Variants in ANKH observed in about 807,000 individuals in gnomAD.
ANKH encodes mineralization regulator ANKH.
A neutral mutation model predicts 49.0 loss-of-function variants in ANKH; 15 were observed. The observed-to-expected ratio is 0.31, with a 90% confidence interval of 0.20 to 0.47. The LOEUF (loss-of-function observed/expected upper bound fraction) is 0.47, where lower values mean the gene tolerates loss of function less well. Ranked by LOEUF, ANKH falls within the 20% of genes least tolerant of loss-of-function variation. ANKH has a pLI of 1.00. For synonymous variants in ANKH, 273 were observed against 260.0 expected, an observed-to-expected ratio of 1.05 and a Z score of -0.48; for missense variants, 429 against 652.0, an observed-to-expected ratio of 0.66 and a Z score of 3.72.
chr5:14,827,870 A>G (rs573773837), intron 1 of ANKH, among the ~76,000 whole-genome samples: 1 of 152,302 alleles, frequency 6.6e-6, no homozygotes, highest in South Asian at 2.1e-4. Flanking sequence ...GGACAATGCC[A>G]TAATCTGAAA....
intron 2 of ANKH, among the ~76,000 whole-genome samples, chr5:14,765,110 G>A (rs1332291897): frequency 5.3e-5 from 8 of 152,190 alleles, no homozygotes; most frequent in Non-Finnish European, 5.9e-5. Flanking sequence ...GGCAAACCCC[G>A]GGCTCTGTAC....
chr5:14,871,364 G>A lies in ANKH; in HGVS notation c.84C>T (p.Asp28=). Residue 28 remains aspartate, a synonymous_variant, in exon 1 of 12, where the codon GAC becomes GAT. Coordinates refer to ENST00000284268, the MANE Select transcript of ANKH (RefSeq NM_054027.6). The stretch of plus-strand genomic sequence containing the variant: ...GGCCGGGGCTTACCTGCTCCCCGAA[G>A]TCGATGGCTATGTTGGTGATGCCCA... ...VPLGITNIAI[D]FGEQALNRGI... 1.9e-6 allele frequency: 3 copies of A among 1,613,360 alleles called. No homozygotes were observed. The highest frequency in any genetic ancestry group is 1.7e-4 in the Middle Eastern group (1 of 6,060).
intron 8 of ANKH, among the ~76,000 whole-genome samples, chr5:14,738,145 A>G (rs989256220): frequency 2.6e-5 from 4 of 152,246 alleles, no homozygotes; most frequent in African/African-American, 9.6e-5. Flanking sequence ...CAACTTCTGG[A>G]GTAGGACAGA....
Position 14,748,726 on chromosome 5 carries a change from C to T in ANKH, c.822+446G>A, listed in dbSNP as rs539801397. Among the ~76,000 whole-genome samples, 21 of 152,342 alleles carry T rather than the reference C, an allele frequency of 1.4e-4. No homozygotes were observed. In the South Asian group the frequency reaches 1.7e-3, roughly 12 times the overall value. ...GCAGGCCGGGTCAACACGGAGGCAG[C>T]GCCCCTGCAGCCACTGGGTGTGTCC... On this transcript the variant is annotated intron_variant, in intron 6 of 11. Transcript: ENST00000284268.
chr5:14,839,503 T>C (rs1006784274), intron 1 of ANKH, among the ~76,000 whole-genome samples: 9 of 126,964 alleles, frequency 7.1e-5, no homozygotes, highest in African/African-American at 2.0e-4. Context: ...CAAAGTCTTA[T>C]CAGTTAAAAA....
intron 1 of ANKH, among the ~76,000 whole-genome samples, chr5:14,855,362 T>C (rs932842092): frequency 2.0e-5 from 3 of 152,238 alleles, no homozygotes; most frequent in Non-Finnish European, 4.4e-5. Context: ...TTCGTCCTTT[T>C]GCTGACTCCA....
At chr5:14,843,175 CTTTTTTT>C (rs34837612) in intron 1 of ANKH, among the ~76,000 whole-genome samples, 1 of 132,258 alleles carries the variant, frequency 7.6e-6, no homozygotes, top group Non-Finnish European at 1.6e-5. Flanking sequence ...CCAGGGTTCT[CTTTTTTT>C]TTTTTTTTTT....
chr5:14,841,275 GACATA>G (rs1286361648), intron 1 of ANKH, among the ~76,000 whole-genome samples: 3 of 151,576 alleles, frequency 2.0e-5, no homozygotes, highest in African/African-American at 7.3e-5. Flanking sequence ...TGATAAAATA[GACATA>G]ACATAAAATA....
rs1737801595 is a variant in ANKH at position 14,725,671 on chromosome 5, A to G, written c.1012-8836T>C. ...AGGGGAGTCCTCTGGAGGTGGTGAG[A>G]TTAGGACTGATTGAATTTTCCTCTT... On this transcript the variant is annotated intron_variant, in intron 8 of 11. Coordinates refer to ENST00000284268, the MANE Select transcript of ANKH (RefSeq NM_054027.6). This position sits in a 1 kb window ranked among gnomAD's most constrained non-coding sequence, Gnocchi z 4.0. Among the ~76,000 whole-genome samples, 2 of 152,216 alleles carry G rather than the reference A, an allele frequency of 1.3e-5. No homozygotes were observed. The highest frequency in any genetic ancestry group is 2.9e-5 in the Non-Finnish European group (2 of 68,048).
chr5:14,818,580 T>C (rs1415700072), intron 1 of ANKH, among the ~76,000 whole-genome samples: 7 of 136,324 alleles, frequency 5.1e-5, no homozygotes, highest in Non-Finnish European at 9.1e-5. Context: ...GAGGTGGAGG[T>C]TGCAAGTGAG....
chr5:14,820,079 T>C (rs1171567154), intron 1 of ANKH, among the ~76,000 whole-genome samples: 1 of 152,242 alleles, frequency 6.6e-6, no homozygotes, highest in Non-Finnish European at 1.5e-5. Context: ...GAGAAACCAG[T>C]ATTTTATAAG....
intron 1 of ANKH, chr5:14,797,602 G>A: frequency 6.2e-7 from 1 of 1,608,774 alleles, no homozygotes; most frequent in Non-Finnish European, 8.5e-7. Context: ...TCAACTGAGT[G>A]GCTTGGTTTG....
Position 14,745,934 on chromosome 5 carries a change from G to GTAC in ANKH, c.850_851insGTA (p.Pro284delinsArgThr), listed in dbSNP as rs1483542747. 1 of 1,614,206 alleles carries GTAC rather than the reference G, an allele frequency of 6.2e-7. No individual in the cohort carries two copies. Among genetic ancestry groups the GTAC allele is most frequent in the Admixed American group, 1.7e-5 (1 of 60,036 alleles). On this transcript the variant is annotated protein_altering_variant, in exon 7 of 12. Transcript: ENST00000284268. This position sits in a 1 kb window ranked among gnomAD's most constrained non-coding sequence, Gnocchi z 4.7. ...CCAGCCGTATGGCATGTGACCCACAGGGTATGTGGCTGTCAAAATCGCCAC... is the reference window on the plus strand; with the variant it reads ...CCAGCCGTATGGCATGTGACCCACAGTACGGTATGTGGCTGTCAAAATCGCCAC...
chr5:14,714,983 T>C (rs963350682), intron 9 of ANKH, among the ~76,000 whole-genome samples: 2 of 152,260 alleles, frequency 1.3e-5, no homozygotes, highest in Non-Finnish European at 2.9e-5. Context: ...TCGCCCTGTG[T>C]CTACCCAACA....
intron 8 of ANKH, among the ~76,000 whole-genome samples, chr5:14,738,893 G>A (rs16903679): frequency 0.018 from 2,796 of 152,250 alleles, 99 homozygotes; most frequent in African/African-American, 0.065. Context: ...CTTACTGACC[G>A]GTGTCTCATA....
chr5:14,797,758 T>C, intron 1 of ANKH: 1 of 1,610,958 alleles, frequency 6.2e-7, no homozygotes, highest in Non-Finnish European at 8.5e-7. Flanking sequence ...TCTACCACTT[T>C]TCCCTCCTTT....
chr5:14,749,020 G>C (rs1009844265), intron 6 of ANKH, 152 bp downstream of exon 6: 2 of 1,127,916 alleles, frequency 1.8e-6, no homozygotes, highest in African/African-American at 3.1e-5. Flanking sequence ...ATAAGTCACC[G>C]AACGAGATCT....
At chr5:14,854,320 A>G (rs1245008946) in intron 1 of ANKH, among the ~76,000 whole-genome samples, 1 of 152,144 alleles carries the variant, frequency 6.6e-6, no homozygotes, top group Non-Finnish European at 1.5e-5. Context: ...CATTTCACTA[A>G]ATCTACTAAC....
rs977947636 is a variant in ANKH, at chr5:14,770,341, C to T, written c.97-1150G>A. Among the ~76,000 whole-genome samples, 1 of 152,044 alleles carries T rather than the reference C, an allele frequency of 6.6e-6. No individual in the cohort carries two copies. Among genetic ancestry groups the T allele is most frequent in the Non-Finnish European group, 1.5e-5 (1 of 68,026 alleles). The stretch of plus-strand genomic sequence containing the variant: ...ATTACTCAAAGACCAGACAGTAGTC[C>T]CCCCTTATCCTTAGGGGATACATTC... On this transcript the variant is annotated intron_variant, in intron 1 of 11. Transcript: ENST00000284268. This position sits in a 1 kb window ranked among gnomAD's most constrained non-coding sequence, Gnocchi z 4.1.
Sources: gnomAD v4.1 joint callset for allele counts (sites outside exome capture counted in the v4.1 genomes callset) on GRCh38, gnomAD v4.1.1 for gene constraint, Gnocchi (gnomAD v3.1) non-coding constraint, MANE v1.5 for transcripts, NCBI Gene and HGNC (gene_info 2026-07-23, HGNC 2026-07-21) for gene names.